Variants in KIRREL3 observed in about 807,000 individuals in gnomAD.
KIRREL3 encodes kirre like nephrin family adhesion molecule 3.
Under a neutral mutation model 89.7 loss-of-function variants are expected in KIRREL3, and 36 were observed. The observed-to-expected ratio is 0.40, with a 90% CI of 0.31 to 0.53. The LOEUF is 0.53. Among genes scored for constraint, KIRREL3 ranks in the 20% least tolerant of loss-of-function variants. The pLI is 0.49. For synonymous variants in KIRREL3, 445 were observed against 441.4 expected (o/e 1.01, Z -0.10); for missense variants, 864 against 1,056.6 (o/e 0.82, Z 2.53).
At chr11:126,433,248 G>A (rs1323231540) in intron 13 of KIRREL3, among the ~76,000 whole-genome samples, 1 of 152,228 alleles carries the variant, frequency 6.6e-6, no homozygotes, top group Non-Finnish European at 1.5e-5. Flanking sequence ...CCTACCCTGC[G>A]TTCGTCAGTG....
rs555804103 is a variant in KIRREL3, at chr11:126,428,889, C to T, written c.1806+290G>A. Among the ~76,000 whole-genome samples the T allele has an allele frequency of 6.6e-5, 10 of 152,298 alleles. No homozygotes were observed. The highest frequency in any genetic ancestry group is 2.1e-4 in the South Asian group (1 of 4,824). On this transcript the variant is annotated intron_variant, in intron 15 of 16. Coordinates refer to ENST00000525144, the MANE Select transcript of KIRREL3 (RefSeq NM_032531.4). The surrounding 1 kb of genome is among the most constrained non-coding windows in gnomAD (Gnocchi z 6.4). Reference sequence around the variant, plus strand: ...CTCGAACTCCTAATCTCAAGTGATCCGCCCAACTCGGTCTCCCAAAGTGTT... The same window carrying T: ...CTCGAACTCCTAATCTCAAGTGATCTGCCCAACTCGGTCTCCCAAAGTGTT...
chr11:126,893,807 T>C (rs532587349), intron 1 of KIRREL3, among the ~76,000 whole-genome samples: 2 of 152,360 alleles, frequency 1.3e-5, no homozygotes, highest in South Asian at 2.1e-4. Flanking sequence ...AGTTTCATGT[T>C]TTAATCTTGC....
At chr11:126,631,124 T>TATGC (rs543668078) in intron 1 of KIRREL3, among the ~76,000 whole-genome samples, 4 of 106,658 alleles carry the variant, frequency 3.8e-5, no homozygotes, top group Non-Finnish European at 8.3e-5. Flanking sequence ...TGTATGTATG[T>TATGC]ATTCATTCAT....
rs945698397 is a variant in KIRREL3 at position 126,570,109 on chromosome 11, G to A, written c.56-7197C>T. 5.3e-5 allele frequency among the ~76,000 whole-genome samples: 8 copies of A among 152,068 alleles called. No individual in the cohort carries two copies. The highest frequency in any genetic ancestry group is 1.9e-4 in the African/African-American group (8 of 41,404). On this transcript the variant is annotated intron_variant, in intron 1 of 16. Transcript: ENST00000525144. The surrounding 1 kb of genome is among the most constrained non-coding windows in gnomAD (Gnocchi z 6.1). ...TAATCCTGACTAGTGCCTGGCCCTGGACCTCCAGGACGAGTGATAAATGTT... is the reference window on the plus strand; with the variant it reads ...TAATCCTGACTAGTGCCTGGCCCTGAACCTCCAGGACGAGTGATAAATGTT...
At chr11:126,878,028 C>T (rs187985736) in intron 1 of KIRREL3, among the ~76,000 whole-genome samples, 1 of 152,288 alleles carries the variant, frequency 6.6e-6, no homozygotes, top group Non-Finnish European at 1.5e-5. Flanking sequence ...AAAACCTGGA[C>T]ACCCTAGGCT....
Position 126,541,417 on chromosome 11 carries a change from G to C in KIRREL3, c.134-14730C>G, listed in dbSNP as rs1159814988. Among the ~76,000 whole-genome samples, 1 of 152,054 alleles carries C rather than the reference G, an allele frequency of 6.6e-6. No individual in the cohort carries two copies. The highest frequency in any genetic ancestry group is 2.4e-5 in the African/African-American group (1 of 41,396). ...TTTCGGGGGTGGGGGGTGGTCCTAAGGTTGAAAATAATAAAATCAAGGTGC... is the reference window on the plus strand; with the variant it reads ...TTTCGGGGGTGGGGGGTGGTCCTAACGTTGAAAATAATAAAATCAAGGTGC... On this transcript the variant is annotated intron_variant, in intron 2 of 16. Transcript: ENST00000525144. This position sits in a 1 kb window ranked among gnomAD's most constrained non-coding sequence, Gnocchi z 4.8.
rs535262025 is a variant in KIRREL3 at position 126,715,601 on chromosome 11, G to A, written c.56-152689C>T. 3.9e-5 allele frequency among the ~76,000 whole-genome samples: 6 copies of A among 152,280 alleles called. No homozygotes were observed. The highest frequency in any genetic ancestry group is 3.9e-4 in the East Asian group (2 of 5,180). Reference sequence around the variant, plus strand: ...ATGCAGTTTGGGAATATAGGAGAACGTGGACCATTTTGCAAATCAAAAACA... The same window carrying A: ...ATGCAGTTTGGGAATATAGGAGAACATGGACCATTTTGCAAATCAAAAACA... On this transcript the variant is annotated intron_variant, in intron 1 of 16. Transcript: ENST00000525144. This position sits in a 1 kb window ranked among gnomAD's most constrained non-coding sequence, Gnocchi z 4.4.
rs201519825 is a variant in KIRREL3 at position 126,446,415 on chromosome 11, T to C, written c.1125+344A>G. Among the ~76,000 whole-genome samples the C allele has an allele frequency of 4.5e-4, 68 of 151,506 alleles. No individual in the cohort carries two copies. The East Asian group carries it at 0.012, about 27-fold the overall frequency. On this transcript the variant is annotated intron_variant, in intron 9 of 16. Transcript: ENST00000525144. The stretch of plus-strand genomic sequence containing the variant: ...TAAACTCTTGAGCTCATGTGATCCT[T>C]CCACCTCAGCCTCCTGAGTAGCTGG...
chr11:126,628,093 G>A lies in KIRREL3; in HGVS notation c.56-65181C>T, dbSNP rs956920011. Among the ~76,000 whole-genome samples, 1 of 152,174 alleles carries A rather than the reference G, an allele frequency of 6.6e-6. No individual in the cohort carries two copies. The highest frequency in any genetic ancestry group is 2.4e-5 in the African/African-American group (1 of 41,428). Reference sequence around the variant, plus strand: ...TAAATTTTACAGAAATCAAGCCAGGGCATGGTTGTAATTTGGGGCTATCAG... The same window carrying A: ...TAAATTTTACAGAAATCAAGCCAGGACATGGTTGTAATTTGGGGCTATCAG... On this transcript the variant is annotated intron_variant, in intron 1 of 16. Coordinates refer to ENST00000525144, the MANE Select transcript of KIRREL3 (RefSeq NM_032531.4). This position sits in a 1 kb window ranked among gnomAD's most constrained non-coding sequence, Gnocchi z 5.2.
chr11:126,888,366 G>A (rs1945778978), intron 1 of KIRREL3, among the ~76,000 whole-genome samples: 1 of 151,994 alleles, frequency 6.6e-6, no homozygotes, highest in Non-Finnish European at 1.5e-5. Flanking sequence ...GAATTTAAAG[G>A]GCCCGTGCCA....
intron 1 of KIRREL3, among the ~76,000 whole-genome samples, chr11:126,678,590 ACT>A (rs1350705744): frequency 2.8e-5 from 3 of 107,566 alleles, no homozygotes; most frequent in African/African-American, 3.8e-5. Flanking sequence ...ATAGAGCAAG[ACT>A]CTGTCTCAAA....
chr11:126,854,275 A>G (rs904758698), intron 1 of KIRREL3, among the ~76,000 whole-genome samples: 3 of 152,146 alleles, frequency 2.0e-5, no homozygotes, highest in Non-Finnish European at 2.9e-5. Context: ...TTTTAATGGT[A>G]GAGTTCAGTG....
intron 1 of KIRREL3, chr11:126,920,209 T>C (rs1031790768): frequency 6.6e-6 from 1 of 152,490 alleles, no homozygotes; most frequent in Admixed American, 6.6e-5. Flanking sequence ...CTCACTTCCA[T>C]ATATTATTGC....
rs920809592 is a variant in KIRREL3, at chr11:127,000,203, G to A, written c.55+252C>T. Among the ~76,000 whole-genome samples the A allele has an allele frequency of 4.6e-5, 7 of 152,136 alleles. No individual in the cohort carries two copies. The highest frequency in any genetic ancestry group is 1.7e-4 in the African/African-American group (7 of 41,432). ...CATTTGCATTGGAGAGTTTGAGCTG[G>A]ATATTGACAAGTGAGAGGAGAAAGT... is the stretch of plus-strand genomic sequence containing the variant. On this transcript the variant is annotated intron_variant, in intron 1 of 16. Coordinates refer to ENST00000525144, the MANE Select transcript of KIRREL3 (RefSeq NM_032531.4). This position sits in a 1 kb window ranked among gnomAD's most constrained non-coding sequence, Gnocchi z 7.1.
rs905251729 is a variant in KIRREL3 at position 126,558,453 on chromosome 11, G to T, written c.133+4382C>A. ...TGTTAGAGGCTTTCCCTCTGCTCAT[G>T]GTCTCAGCCTCCTCTTCCAGAAGTC... On this transcript the variant is annotated intron_variant, in intron 2 of 16. Transcript: ENST00000525144. The surrounding 1 kb of genome is among the most constrained non-coding windows in gnomAD (Gnocchi z 4.0). 3.6e-4 allele frequency among the ~76,000 whole-genome samples: 54 copies of T among 151,860 alleles called. No individual in the cohort carries two copies. The highest frequency in any genetic ancestry group is 1.6e-3 in the Admixed American group (24 of 15,280).
chr11:126,850,486 C>G (rs1944304973), intron 1 of KIRREL3, among the ~76,000 whole-genome samples: 1 of 152,178 alleles, frequency 6.6e-6, no homozygotes, highest in African/African-American at 2.4e-5. Context: ...GTCCTCCAGG[C>G]CTGTCCTCAT....
At chr11:126,875,110 TATCA>T (rs780183882) in intron 1 of KIRREL3, among the ~76,000 whole-genome samples, 4 of 152,090 alleles carry the variant, frequency 2.6e-5, no homozygotes, top group Non-Finnish European at 4.4e-5. Flanking sequence ...GGCAAGTGTA[TATCA>T]ATCAATCAAT....
At position 126,562,852 on chromosome 11, in the gene KIRREL3, A is replaced by G; in HGVS notation, c.116T>C (p.Phe39Ser). 6.2e-7 allele frequency: 1 copy of G among 1,613,742 alleles called. No individual in the cohort carries two copies. ...LVLGYMAKDK[F>S]RRMNEGQVYS... ...TCACTGACCTTCATTCATTCTCCGAAACTTGTCCTTGGCCATGTAGCCCAG... is the reference window on the plus strand; with the variant it reads ...TCACTGACCTTCATTCATTCTCCGAGACTTGTCCTTGGCCATGTAGCCCAG... Residue 39 changes from phenylalanine (F) to serine (S), a missense_variant, in exon 2 of 17, where the codon TTT becomes TCT. Coordinates refer to ENST00000525144, the MANE Select transcript of KIRREL3 (RefSeq NM_032531.4). This position sits in a 1 kb window ranked among gnomAD's most constrained non-coding sequence, Gnocchi z 4.7.
Position 126,431,559 on chromosome 11 carries a change from G to GA in KIRREL3, c.1589-34dup. 6.3e-7 allele frequency: 1 copy of GA among 1,588,130 alleles called. No individual in the cohort carries two copies. Among genetic ancestry groups the GA allele is most frequent in the Non-Finnish European group, 8.6e-7 (1 of 1,160,168 alleles). ...AGAGAAGCGGGCACAGCTGATGACG[G>GA]ATGGGGAATGGCCTACTATCCCCCC... On this transcript the variant is annotated intron_variant, in intron 13 of 16. Coordinates refer to ENST00000525144, the MANE Select transcript of KIRREL3 (RefSeq NM_032531.4). The surrounding 1 kb of genome is among the most constrained non-coding windows in gnomAD (Gnocchi z 7.1).
Sources: allele counts gnomAD v4.1 joint callset (sites outside exome capture counted in the v4.1 genomes callset), GRCh38; gene constraint gnomAD v4.1.1; non-coding constraint Gnocchi (gnomAD v3.1); transcripts MANE v1.5; gene names NCBI Gene and HGNC (gene_info 2026-07-23, HGNC 2026-07-21).